Variants in CSNK1E observed in about 807,000 individuals in gnomAD.
CSNK1E encodes casein kinase I isoform epsilon.
In CSNK1E, 17 loss-of-function variants were observed where a neutral mutation model predicts 46.1. That is an observed-to-expected ratio of 0.37 (90% CI 0.25 to 0.55). The LOEUF is 0.55. CSNK1E is among the 20% of genes least tolerant of loss of function. CSNK1E has a pLI of 0.82. For missense variants in CSNK1E, 386 were observed against 595.4 expected (o/e 0.65, Z 3.66); for synonymous variants, 241 against 242.6 (o/e 0.99, Z 0.06).
chr22:38,306,775 T>C (rs1475328341), intron 2 of CSNK1E, among the ~76,000 whole-genome samples: 1 of 152,136 alleles, frequency 6.6e-6, no homozygotes, highest in African/African-American at 2.4e-5. Flanking sequence ...AGCATCTTCT[T>C]ATCAGCTGAT....
rs553251662 is a variant in CSNK1E at position 38,316,479 on chromosome 22, T to C, written c.-13+681A>G. On this transcript the variant is annotated intron_variant, in intron 1 of 10. Coordinates refer to ENST00000396832, the MANE Select transcript of CSNK1E (RefSeq NM_152221.3). ...GGGCTCACCCCACTTCGAGTTAGGG[T>C]ATTAACAAGAGCTTGGGAATCCTCT... is the stretch of plus-strand genomic sequence containing the variant. Among the ~76,000 whole-genome samples the C allele has an allele frequency of 5.9e-5, 9 of 152,270 alleles. 1 individual carries two copies. In the South Asian group the frequency reaches 1.7e-3, roughly 28 times the overall value.
chr22:38,305,239 A>T (rs1569080318), intron 2 of CSNK1E, among the ~76,000 whole-genome samples: 1 of 151,986 alleles, frequency 6.6e-6, no homozygotes, highest in Non-Finnish European at 1.5e-5. Flanking sequence ...AAGGAAAAAG[A>T]TTAAATGTCA....
At position 38,298,220 on chromosome 22, in the gene CSNK1E, G is replaced by A. The variant is rs1459484218; in HGVS notation, c.885+566C>T. 1 of 1,302,202 alleles carries A rather than the reference G, an allele frequency of 7.7e-7. No individual in the cohort carries two copies. Among genetic ancestry groups the A allele is most frequent in the Non-Finnish European group, 1.0e-6 (1 of 987,912 alleles). 80.7% of individuals were successfully genotyped at this position (1,302,202 alleles called of 1,614,324 possible). A position where few individuals can be genotyped will look rare whatever the true frequency, so the allele number is the denominator to read the frequency against. The stretch of plus-strand genomic sequence containing the variant: ...GGAAGCCCCCTTTTCCAGAAGAGAT[G>A]TGAAACAAGACATACAATTTCACAG... On this transcript the variant is annotated intron_variant, in intron 7 of 10. Coordinates refer to ENST00000396832, the MANE Select transcript of CSNK1E (RefSeq NM_152221.3). The surrounding 1 kb of genome is among the most constrained non-coding windows in gnomAD (Gnocchi z 4.2).
chr22:38,313,950 TG>T, intron 2 of CSNK1E, 131 bp downstream of exon 2: 1 of 795,936 alleles, frequency 1.3e-6, no homozygotes, highest in Non-Finnish European at 2.0e-6. Flanking sequence ...CTTCCCCATC[TG>T]GGATGGCCCT....
At chr22:38,313,683 G>C (rs920794326) in intron 2 of CSNK1E, among the ~76,000 whole-genome samples, 6 of 152,200 alleles carry the variant, frequency 3.9e-5, no homozygotes, top group African/African-American at 9.6e-5. Flanking sequence ...GACATAGAGA[G>C]GGGGGCCTGG....
chr22:38,293,444 C>T (rs2092622454), intron 9 of CSNK1E, 125 bp from the exon 10 acceptor site: 4 of 641,228 alleles, frequency 6.2e-6, no homozygotes, highest in Non-Finnish European at 1.1e-5. Flanking sequence ...GGTGTACCCC[C>T]ACCCCCACCT....
rs1569085962 is a variant in CSNK1E, at chr22:38,317,394, T to TGCCCACCC, written c.-248_-247insGGGTGGGC. ...CGCCGCCTCCCTCCTCCCGGCCTCCTGCCCGCCCGCCCGCCCCCGCCGCCG... is the reference window on the plus strand; with the variant it reads ...CGCCGCCTCCCTCCTCCCGGCCTCCTGCCCACCCGCCCGCCCGCCCGCCCCCGCCGCCG... On this transcript the variant is annotated 5_prime_UTR_variant, in exon 1 of 11. Transcript: ENST00000396832. The TGCCCACCC allele has an allele frequency of 2.0e-5, 2 of 97,898 alleles. No homozygotes were observed. Among genetic ancestry groups the TGCCCACCC allele is most frequent in the Non-Finnish European group, 4.3e-5 (2 of 46,888 alleles). 6.1% of individuals were successfully genotyped at this position (97,898 alleles called of 1,614,324 possible).
chr22:38,302,700 G>C (rs2092679367), intron 4 of CSNK1E, among the ~76,000 whole-genome samples, 161 bp downstream of exon 4: 1 of 152,144 alleles, frequency 6.6e-6, no homozygotes, highest in African/African-American at 2.4e-5. Context: ...GACAGAGTGA[G>C]ACTCCGCCTC....
intron 2 of CSNK1E, among the ~76,000 whole-genome samples, chr22:38,304,983 G>A (rs992190357): frequency 3.3e-5 from 5 of 151,966 alleles, no homozygotes; most frequent in South Asian, 4.1e-4. Context: ...TTAGCCGGGC[G>A]CAGTGGCAGG....
intron 7 of CSNK1E, chr22:38,296,356 G>T: frequency 7.2e-7 from 1 of 1,384,870 alleles, no homozygotes; most frequent in Non-Finnish European, 9.3e-7. Flanking sequence ...GTGGCTGTAT[G>T]TGCTGAGAGT....
intron 4 of CSNK1E, among the ~76,000 whole-genome samples, chr22:38,302,037 G>T (rs1441564763): frequency 2.6e-5 from 4 of 152,164 alleles, no homozygotes; most frequent in Non-Finnish European, 5.9e-5. Flanking sequence ...TGTTAGAGGG[G>T]CCTGTTTTGG....
Position 38,298,591 on chromosome 22 carries a change from C to T in CSNK1E, c.885+195G>A. On this transcript the variant is annotated intron_variant, in intron 7 of 10. Transcript: ENST00000396832. This position sits in a 1 kb window ranked among gnomAD's most constrained non-coding sequence, Gnocchi z 4.2. ...GAGACAGCGCCCTGCCTGGGCCCTG[C>T]TGCCCATGGTGGCACAAGCTGTCAG... 1 of 636,216 alleles carries T rather than the reference C, an allele frequency of 1.6e-6. No individual in the cohort carries two copies. The allele number at this position is 636,216 out of a possible 1,614,324, so 39.4% of individuals were successfully genotyped here.
chr22:38,304,393 A>G (rs180911242), intron 2 of CSNK1E, among the ~76,000 whole-genome samples: 64 of 152,312 alleles, frequency 4.2e-4, no homozygotes, highest in Non-Finnish European at 7.3e-4. Context: ...AAGTTTGTAT[A>G]TAAGAAATAA....
At chr22:38,301,021 T>C in intron 4 of CSNK1E, 69 bp from the exon 5 acceptor site, 2 of 1,345,654 alleles carry the variant, frequency 1.5e-6, no homozygotes, top group South Asian at 1.2e-5. Flanking sequence ...AGGCAGGGGC[T>C]GGGGCCACAG....
At chr22:38,310,713 C>T (rs1379740787) in intron 2 of CSNK1E, among the ~76,000 whole-genome samples, 3 of 152,180 alleles carry the variant, frequency 2.0e-5, no homozygotes, top group Non-Finnish European at 2.9e-5. Context: ...AAAGCAGGCC[C>T]CACTCTCTTG....
At chr22:38,293,103 C>G in intron 10 of CSNK1E, 152 bp downstream of exon 10, 1 of 678,050 alleles carries the variant, frequency 1.5e-6, no homozygotes, top group Non-Finnish European at 2.6e-6. Flanking sequence ...AGGTTTTAAA[C>G]TACTTGAGGC....
At chr22:38,292,260 T>C (rs1370071882) in intron 10 of CSNK1E, 1 of 152,230 alleles carries the variant, frequency 6.6e-6, no homozygotes, top group African/African-American at 2.4e-5. Context: ...GTGCTGGGAT[T>C]ACAGGTGCGA....
intron 4 of CSNK1E, among the ~76,000 whole-genome samples, chr22:38,301,899 G>A (rs1182552583): frequency 6.6e-6 from 1 of 151,580 alleles, no homozygotes; most frequent in Non-Finnish European, 1.5e-5. Context: ...CAGGGCTTTT[G>A]CAGACCAAGA....
chr22:38,292,814 A>T (rs1481795790), intron 10 of CSNK1E: 1 of 183,978 alleles, frequency 5.4e-6, no homozygotes, highest in Non-Finnish European at 1.2e-5. Context: ...AGAGGCATAA[A>T]AAGGGCTCCT....
Sources: allele counts gnomAD v4.1 joint callset (sites outside exome capture counted in the v4.1 genomes callset), GRCh38; gene constraint gnomAD v4.1.1; non-coding constraint Gnocchi (gnomAD v3.1); transcripts MANE v1.5; gene names NCBI Gene and HGNC (gene_info 2026-07-23, HGNC 2026-07-21).